Variants in PLXNC1 observed in about 807,000 individuals in gnomAD.
PLXNC1 encodes the protein plexin C1.
In PLXNC1, 75 loss-of-function variants were observed where a neutral mutation model predicts 178.2. The ratio of observed to expected loss-of-function variants is 0.42; its 90% CI spans 0.35 to 0.51. The LOEUF (loss-of-function observed/expected upper bound fraction) is 0.51, where lower values mean the gene tolerates loss of function less well. Ranked by LOEUF, PLXNC1 falls within the 20% of genes least tolerant of loss-of-function variation. PLXNC1 has a pLI of 0.02. For missense variants in PLXNC1, 1,503 were observed against 1,984.4 expected (o/e 0.76, Z 4.61); for synonymous variants, 790 against 779.9 (o/e 1.01, Z -0.22).
intron 5 of PLXNC1, among the ~76,000 whole-genome samples, chr12:94,219,784 A>C (rs1427031857): frequency 6.9e-6 from 1 of 145,242 alleles, no homozygotes; most frequent in Non-Finnish European, 1.5e-5. Context: ...TAGCCAACAA[A>C]ACATCTATTC....
intron 4 of PLXNC1, among the ~76,000 whole-genome samples, chr12:94,195,505 A>T (rs1262120727): frequency 1.3e-5 from 2 of 152,116 alleles, no homozygotes; most frequent in African/African-American, 4.8e-5. Context: ...GCACACTTGC[A>T]TTCACCCTCC....
At chr12:94,152,238 C>T (rs999900090) in intron 1 of PLXNC1, among the ~76,000 whole-genome samples, 14 of 151,978 alleles carry the variant, frequency 9.2e-5, no homozygotes, top group African/African-American at 2.9e-4. Context: ...CATTGAAAAG[C>T]CTTAATGGAA....
intron 9 of PLXNC1, among the ~76,000 whole-genome samples, chr12:94,228,878 T>G (rs1964017318): frequency 6.6e-6 from 1 of 152,242 alleles, no homozygotes; most frequent in South Asian, 2.1e-4. Flanking sequence ...TGTGCTGCTA[T>G]TTCTTCGAGA....
Position 94,227,197 on chromosome 12 carries a change from A to G in PLXNC1, c.1942A>G (p.Lys648Glu), listed in dbSNP as rs760162551. ...GAAGACATCAGGAGGAGGAAGACCC[A>G]AGGAGAACAAGGGGAACAGAACCAA... ...VEKTSGGGRP[K>E]ENKGNRTNQA... The change falls in exon 9 of 31, where the codon AAG (lysine) becomes GAG (glutamate). Residue 648 changes from lysine to glutamate, a missense_variant. Coordinates refer to ENST00000258526, the MANE Select transcript of PLXNC1 (RefSeq NM_005761.3). 1.1e-5 allele frequency: 18 copies of G among 1,613,296 alleles called. No individual in the cohort carries two copies. The South Asian group carries it at 2.0e-4, about 18-fold the overall frequency.
chr12:94,247,829 G>T, intron 12 of PLXNC1, 74 bp from the exon 13 acceptor site: 1 of 1,363,950 alleles, frequency 7.3e-7, no homozygotes, highest in Non-Finnish European at 1.0e-6. Flanking sequence ...AGTTGCTCAG[G>T]TCACTTAGCT....
intron 1 of PLXNC1, among the ~76,000 whole-genome samples, chr12:94,160,070 G>A (rs1029122717): frequency 6.6e-6 from 1 of 152,170 alleles, no homozygotes; most frequent in Non-Finnish European, 1.5e-5. Flanking sequence ...TTGCTAAGTA[G>A]GGAGTTGGCA....
At chr12:94,304,741 G>T (rs575926855) in intron 30 of PLXNC1, among the ~76,000 whole-genome samples, 7 of 152,270 alleles carry the variant, frequency 4.6e-5, no homozygotes, top group Non-Finnish European at 7.4e-5. Flanking sequence ...TCGTTCCAGG[G>T]GTCAGGGGAG....
At chr12:94,253,005 G>A (rs917789706) in intron 15 of PLXNC1, among the ~76,000 whole-genome samples, 1 of 152,066 alleles carries the variant, frequency 6.6e-6, no homozygotes, top group African/African-American at 2.4e-5. Flanking sequence ...GAGGTCAGCA[G>A]ATCGAGACCA....
chr12:94,262,676 T>C (rs1280536744), intron 20 of PLXNC1: 3 of 985,314 alleles, frequency 3.0e-6, no homozygotes, highest in Non-Finnish European at 3.6e-6. Flanking sequence ...CACCAGGTGC[T>C]CAAGGGGGTC....
chr12:94,254,339 A>G, intron 15 of PLXNC1: 1 of 365,548 alleles, frequency 2.7e-6, no homozygotes, highest in South Asian at 2.1e-5. Context: ...CATGTAGCCA[A>G]CTGTGGATCT....
intron 11 of PLXNC1, among the ~76,000 whole-genome samples, chr12:94,241,650 A>G (rs146960590): frequency 3.9e-4 from 59 of 152,218 alleles, no homozygotes; most frequent in African/African-American, 1.4e-3. Flanking sequence ...CACTTAACAT[A>G]ATGTCCTGCA....
Position 94,305,468 on chromosome 12 carries a change from T to G in PLXNC1, c.*183T>G. 1 of 557,256 alleles carries G rather than the reference T, an allele frequency of 1.8e-6. No individual in the cohort carries two copies. The highest frequency in any genetic ancestry group is 3.2e-6 in the Non-Finnish European group (1 of 311,988). The allele number at this position is 557,256 out of a possible 1,614,324, so 34.5% of individuals were successfully genotyped here. Reference sequence around the variant, plus strand: ...GAAAGCATACCAACCCTTGTGCCTGTGTGTATACCGTGGGAACCCTTCTGT... The same window carrying G: ...GAAAGCATACCAACCCTTGTGCCTGGGTGTATACCGTGGGAACCCTTCTGT... On this transcript the variant is annotated 3_prime_UTR_variant, in exon 31 of 31. Coordinates refer to ENST00000258526, the MANE Select transcript of PLXNC1 (RefSeq NM_005761.3).
intron 23 of PLXNC1, among the ~76,000 whole-genome samples, chr12:94,285,953 G>T (rs959647770): frequency 6.6e-6 from 1 of 152,158 alleles, no homozygotes; most frequent in Non-Finnish European, 1.5e-5. Context: ...CAGGGGATGG[G>T]GCTACCCACT....
In PLXNC1 at chr12:94,234,884, T is replaced by C. The variant is rs140883617; in HGVS notation, c.1981-2780T>C. 1.7e-3 allele frequency among the ~76,000 whole-genome samples: 256 copies of C among 152,356 alleles called. 1 individual carries two copies. Among genetic ancestry groups the C allele is most frequent in the African/African-American group, 6.0e-3 (251 of 41,582 alleles). On this transcript the variant is annotated intron_variant, in intron 9 of 30. Coordinates refer to ENST00000258526, the MANE Select transcript of PLXNC1 (RefSeq NM_005761.3). ...GGGGAAATGATTCTTTGCTCTTTTG[T>C]CTGTACTGGATTTTTCAAAATCTTT...
intron 2 of PLXNC1, among the ~76,000 whole-genome samples, chr12:94,179,617 T>A (rs1225992267): frequency 2.6e-5 from 4 of 151,892 alleles, no homozygotes; most frequent in African/African-American, 9.7e-5. Context: ...GGCGCATGTC[T>A]GTAGTCCCAG....
chr12:94,264,248 T>C (rs1039531626), intron 20 of PLXNC1, among the ~76,000 whole-genome samples: 1 of 152,034 alleles, frequency 6.6e-6, no homozygotes, highest in Non-Finnish European at 1.5e-5. Flanking sequence ...TCAGAGTCCT[T>C]TGGAATGCAG....
At chr12:94,274,123 C>T (rs951512648) in intron 21 of PLXNC1, among the ~76,000 whole-genome samples, 1 of 121,256 alleles carries the variant, frequency 8.2e-6, no homozygotes, top group South Asian at 2.7e-4. Flanking sequence ...GAGTTCAAGA[C>T]TAGCCTGGGC....
At chr12:94,230,927 G>T (rs10745681) in intron 9 of PLXNC1, among the ~76,000 whole-genome samples, 75,393 of 152,020 alleles carry the variant, frequency 0.5, 19,944 homozygotes, top group African/African-American at 0.69. Context: ...TTAGATGCAA[G>T]TATACCGACC....
In PLXNC1 at chr12:94,243,951, A is replaced by G; in HGVS notation, c.2314A>G (p.Ile772Val). 6.3e-7 allele frequency: 1 copy of G among 1,590,120 alleles called. No individual in the cohort carries two copies. Among genetic ancestry groups the G allele is most frequent in the Non-Finnish European group, 8.6e-7 (1 of 1,159,832 alleles). The part of the protein sequence containing the change: ...ATTWISGGQN[I>V]TMMGRNFDVI... ...TATTCCTTGCAGTGGTGGTCAAAAT[A>G]TAACCATGATGGGCAGAAATTTTGA... is the stretch of plus-strand genomic sequence containing the variant. Residue 772 changes from isoleucine to valine, a missense_variant, in exon 12 of 31, where the codon ATA becomes GTA. Ile to Val is a conservative substitution (Grantham distance 29). Coordinates refer to ENST00000258526, the MANE Select transcript of PLXNC1 (RefSeq NM_005761.3).
Sources: gnomAD v4.1 joint callset for allele counts (sites outside exome capture counted in the v4.1 genomes callset) on GRCh38, gnomAD v4.1.1 for gene constraint, MANE v1.5 for transcripts, NCBI Gene and HGNC (gene_info 2026-07-23, HGNC 2026-07-21) for gene names.